The following TNNI3K variants were observed in gnomAD, a reference collection of about 807,000 sequenced individuals.
TNNI3K encodes the protein serine/threonine-protein kinase TNNI3K.
TNNI3K carries 140 observed loss-of-function variants against 114.5 expected under a neutral mutation model. The observed-to-expected ratio is 1.22, with a 90% CI of 1.07 to 1.41. The LOEUF (loss-of-function observed/expected upper bound fraction) is 1.41, where lower values mean the gene tolerates loss of function less well. TNNI3K is among the 40% of genes most tolerant of loss of function. The pLI is 0.00. For synonymous variants in TNNI3K, 347 were observed against 347.5 expected, an observed-to-expected ratio of 1.00 and a Z score of 0.02; for missense variants, 1,125 against 1,007.6, an observed-to-expected ratio of 1.12 and a Z score of -1.58.
chr1:74,527,887 G>T (rs1307529169), intron 23 of TNNI3K, among the ~76,000 whole-genome samples: 1 of 152,186 alleles, frequency 6.6e-6, no homozygotes, highest in Non-Finnish European at 1.5e-5. Flanking sequence ...TCTATGTGGT[G>T]GATGGGAGTG....
intron 17 of TNNI3K, among the ~76,000 whole-genome samples, chr1:74,399,359 A>C (rs2100587096): frequency 6.6e-6 from 1 of 152,182 alleles, no homozygotes; most frequent in South Asian, 2.1e-4. Flanking sequence ...ATTTTTAAGA[A>C]ATTATATACT....
chr1:74,421,708 C>T (rs1343975597), intron 17 of TNNI3K, among the ~76,000 whole-genome samples: 1 of 151,948 alleles, frequency 6.6e-6, no homozygotes, highest in African/African-American at 2.4e-5. Flanking sequence ...ACTGACATCA[C>T]CCGAATATCT....
chr1:74,309,228 C>A (rs868759901), intron 5 of TNNI3K, among the ~76,000 whole-genome samples: 1 of 148,954 alleles, frequency 6.7e-6, no homozygotes, highest in Non-Finnish European at 1.5e-5. Context: ...ATTAGCCGGG[C>A]GAGGTGGCGG....
intron 5 of TNNI3K, among the ~76,000 whole-genome samples, chr1:74,280,096 C>A (rs927961719): frequency 2.0e-4 from 31 of 152,074 alleles, no homozygotes; most frequent in African/African-American, 4.1e-4. Flanking sequence ...AAAAGAGGCA[C>A]TGAAGGCTGG....
chr1:74,412,950 T>C (rs1249446338), intron 17 of TNNI3K, among the ~76,000 whole-genome samples: 1 of 152,212 alleles, frequency 6.6e-6, no homozygotes, highest in African/African-American at 2.4e-5. Context: ...TCTCTAAATG[T>C]ACACCATAAG....
intron 17 of TNNI3K, among the ~76,000 whole-genome samples, chr1:74,411,975 T>C (rs554323965): frequency 1.6e-4 from 25 of 152,302 alleles, no homozygotes; most frequent in African/African-American, 5.8e-4. Context: ...TATTGTTCAA[T>C]ACATAGTTCA....
intron 17 of TNNI3K, among the ~76,000 whole-genome samples, chr1:74,412,935 CCT>C (rs1229899983): frequency 6.6e-6 from 1 of 152,128 alleles, no homozygotes; most frequent in African/African-American, 2.4e-5. Flanking sequence ...ATCTTAATCC[CCT>C]CTTCTCTAAA....
chr1:74,514,907 G>T lies in TNNI3K; in HGVS notation c.2351+22641G>T, dbSNP rs1570727706. 2.0e-5 allele frequency among the ~76,000 whole-genome samples: 3 copies of T among 152,214 alleles called. No individual in the cohort carries two copies. The East Asian group carries it at 5.8e-4, about 29-fold the overall frequency. On this transcript the variant is annotated intron_variant, in intron 23 of 24. Transcript: ENST00000326637. The stretch of plus-strand genomic sequence containing the variant: ...TTCATAGGAGTTTATACTGGAGTAG[G>T]GTGGGCCCTTAATTCAAGATGACTT...
Position 74,249,484 on chromosome 1 carries a change from A to G in TNNI3K, c.175A>G (p.Asn59Asp), listed in dbSNP as rs780477698. 1.1e-5 allele frequency: 18 copies of G among 1,613,534 alleles called. No homozygotes were observed. The highest frequency in any genetic ancestry group is 3.3e-4 in the Middle Eastern group (2 of 6,078). Reference sequence around the variant, plus strand: ...CTCTGATGAAGCCTTCAGTAAAGTCAATTTAAATTACCGCACTGAAAATGG... The same window carrying G: ...CTCTGATGAAGCCTTCAGTAAAGTCGATTTAAATTACCGCACTGAAAATGG... ...FGSDEAFSKVNLNYRTENGLS... is the reference protein window; with the variant it reads ...FGSDEAFSKVDLNYRTENGLS... The change falls in exon 3 of 25, where the codon AAT becomes GAT. Residue 59 changes from asparagine to aspartate, a missense_variant. Physicochemically the swap from Asn to Asp is conservative, Grantham distance 23. Coordinates refer to ENST00000326637, the MANE Select transcript of TNNI3K (RefSeq NM_015978.3).
chr1:74,271,507 G>T, intron 4 of TNNI3K, 91 bp from the exon 5 acceptor site: 1 of 1,248,336 alleles, frequency 8.0e-7, no homozygotes. Flanking sequence ...ACCTGAACTG[G>T]CTGATAGGCA....
intron 5 of TNNI3K, among the ~76,000 whole-genome samples, chr1:74,287,636 A>G (rs571673780): frequency 5.3e-4 from 80 of 152,326 alleles, no homozygotes; most frequent in African/African-American, 1.7e-3. Context: ...CTACTAGAAG[A>G]AAACATAGAG....
chr1:74,456,319 A>G (rs977454052), intron 20 of TNNI3K, among the ~76,000 whole-genome samples: 6 of 152,276 alleles, frequency 3.9e-5, no homozygotes, highest in African/African-American at 1.2e-4. Context: ...GAGCAGATTT[A>G]TGAGGGAAAT....
intron 11 of TNNI3K, among the ~76,000 whole-genome samples, chr1:74,356,966 C>A (rs1661692673): frequency 6.6e-6 from 1 of 152,152 alleles, no homozygotes; most frequent in South Asian, 2.1e-4. Flanking sequence ...TAGGGCAAAG[C>A]AAGTCAAATG....
At chr1:74,253,142 G>GA (rs1231334136) in intron 4 of TNNI3K, among the ~76,000 whole-genome samples, 1 of 152,176 alleles carries the variant, frequency 6.6e-6, no homozygotes, top group Non-Finnish European at 1.5e-5. Context: ...CCCTGAGCTA[G>GA]ACACAGGGTG....
At chr1:74,248,358 A>G (rs1654718648) in intron 2 of TNNI3K, among the ~76,000 whole-genome samples, 1 of 152,150 alleles carries the variant, frequency 6.6e-6, no homozygotes, top group South Asian at 2.1e-4. Flanking sequence ...GGGCTCCCAC[A>G]GTGCAGTGTC....
intron 5 of TNNI3K, among the ~76,000 whole-genome samples, chr1:74,291,935 T>C (rs1170308841): frequency 1.3e-5 from 2 of 151,494 alleles, no homozygotes; most frequent in African/African-American, 4.8e-5. Flanking sequence ...ACAATACTAA[T>C]TCTGTCATAT....
intron 17 of TNNI3K, among the ~76,000 whole-genome samples, chr1:74,416,717 C>A (rs1393884938): frequency 6.6e-6 from 1 of 151,716 alleles, no homozygotes; most frequent in East Asian, 1.9e-4. Flanking sequence ...ATAATTTTTG[C>A]CCGTACGATT....
At chr1:74,310,018 T>G (rs1044032652) in intron 5 of TNNI3K, among the ~76,000 whole-genome samples, 3 of 152,158 alleles carry the variant, frequency 2.0e-5, no homozygotes, top group African/African-American at 7.2e-5. Context: ...GAAGTCAAAT[T>G]ATCTCTGTTC....
At chr1:74,378,121 G>A (rs1663000911) in intron 17 of TNNI3K, among the ~76,000 whole-genome samples, 1 of 151,878 alleles carries the variant, frequency 6.6e-6, no homozygotes, top group South Asian at 2.1e-4. Flanking sequence ...AATATACAAT[G>A]GATGCCTTAG....
Sources: allele counts gnomAD v4.1 joint callset (sites outside exome capture counted in the v4.1 genomes callset), GRCh38; gene constraint gnomAD v4.1.1; transcripts MANE v1.5; gene names NCBI Gene and HGNC (gene_info 2026-07-23, HGNC 2026-07-21).